Variants in SLC14A2 observed in about 807,000 individuals in gnomAD.
SLC14A2 encodes the protein urea transporter 2.
SLC14A2 carries 91 observed loss-of-function variants against 104.6 expected under a neutral mutation model. That is an observed-to-expected ratio of 0.87 (90% CI 0.73 to 1.04). The LOEUF (loss-of-function observed/expected upper bound fraction) is 1.04. Ranked by LOEUF, SLC14A2 falls within the 50% of genes least tolerant of loss-of-function variation. SLC14A2 has a pLI of 0.00. For missense variants in SLC14A2, 1,189 were observed against 1,156.0 expected (o/e 1.03, Z -0.41); for synonymous variants, 476 against 466.4 (o/e 1.02, Z -0.27).
intron 1 of SLC14A2, among the ~76,000 whole-genome samples, chr18:45,329,823 C>T (rs996085510): frequency 6.6e-6 from 1 of 151,406 alleles, no homozygotes; most frequent in Non-Finnish European, 1.5e-5. Context: ...CACAAAGAAA[C>T]AAACAAACAA....
chr18:45,296,739 C>T (rs1376330599), intron 1 of SLC14A2, among the ~76,000 whole-genome samples: 2 of 152,258 alleles, frequency 1.3e-5, no homozygotes, highest in East Asian at 1.9e-4. Context: ...AGGCTTGTTT[C>T]GGAAGAGCAG....
chr18:45,356,260 G>T (rs1277820110), intron 1 of SLC14A2, among the ~76,000 whole-genome samples: 1 of 152,160 alleles, frequency 6.6e-6, no homozygotes, highest in Non-Finnish European at 1.5e-5. Context: ...TGACACTGCT[G>T]GGTCTTAAAG....
the SLC14A2 span, among the ~76,000 whole-genome samples, chr18:45,187,862 A>T: frequency 4.6e-5 from 7 of 152,120 alleles, no homozygotes; most frequent in Admixed American, 1.3e-4. Flanking sequence ...GTATCTTTTG[A>T]GGTGAGATTG....
At chr18:45,247,031 A>G (rs1177812620) in intron 1 of SLC14A2, among the ~76,000 whole-genome samples, 1 of 152,158 alleles carries the variant, frequency 6.6e-6, no homozygotes, top group Non-Finnish European at 1.5e-5. Flanking sequence ...ACAGGAAAAC[A>G]CCCATGATAC....
rs181581232 is a variant in SLC14A2 at position 45,367,875 on chromosome 18, A to G, written c.-124-115358A>G. 3.3e-4 allele frequency among the ~76,000 whole-genome samples: 51 copies of G among 152,298 alleles called. 2 individuals are homozygous for G. In the East Asian group the frequency reaches 8.3e-3, roughly 25 times the overall value. On this transcript the variant is annotated intron_variant, in intron 1 of 20. Coordinates refer to the SLC14A2 transcript ENST00000586448. ...CTTGAGTTCAGGAATTGTAATCAGA[A>G]TAAAGTGGCAGCTCTTTATCTAGAG...
chr18:45,368,682 G>A (rs1407109375), intron 1 of SLC14A2, among the ~76,000 whole-genome samples: 1 of 152,172 alleles, frequency 6.6e-6, no homozygotes, highest in Admixed American at 6.5e-5. Flanking sequence ...GGCCATGCAG[G>A]CAAGGGAGAA....
intron 2 of SLC14A2, among the ~76,000 whole-genome samples, chr18:45,601,478 A>C (rs16978423): frequency 6.6e-6 from 1 of 152,216 alleles, no homozygotes; most frequent in Non-Finnish European, 1.5e-5. Flanking sequence ...CTATGGCCAC[A>C]TAGTAAGAAA....
At chr18:45,287,073 T>C (rs899040892) in intron 1 of SLC14A2, among the ~76,000 whole-genome samples, 1 of 152,146 alleles carries the variant, frequency 6.6e-6, no homozygotes, top group Non-Finnish European at 1.5e-5. Flanking sequence ...ATTGTCTCAT[T>C]TAAAACAAAC....
chr18:45,302,414 A>G (rs1453045523), intron 1 of SLC14A2, among the ~76,000 whole-genome samples: 4 of 152,212 alleles, frequency 2.6e-5, no homozygotes, highest in Non-Finnish European at 1.5e-5. Flanking sequence ...CATTCTGTAG[A>G]TGTGGTCACT....
chr18:45,299,908 C>T (rs2084951797), intron 1 of SLC14A2, among the ~76,000 whole-genome samples: 1 of 152,102 alleles, frequency 6.6e-6, no homozygotes, highest in Admixed American at 6.5e-5. Context: ...TGAGACTGTC[C>T]CCATTGGTGC....
intron 1 of SLC14A2, among the ~76,000 whole-genome samples, chr18:45,344,428 C>A: frequency 6.6e-6 from 1 of 152,318 alleles, no homozygotes; most frequent in East Asian, 1.9e-4. Flanking sequence ...CTTCCTATAA[C>A]ACCCTTAGTT....
intron 2 of SLC14A2, among the ~76,000 whole-genome samples, chr18:45,591,387 G>A (rs2144387981): frequency 6.6e-6 from 1 of 152,322 alleles, no homozygotes; most frequent in African/African-American, 2.4e-5. Context: ...CCAGGCTGGA[G>A]TGCAGTGGTG....
intron 10 of SLC14A2, among the ~76,000 whole-genome samples, chr18:45,659,299 G>A (rs2045894753): frequency 6.6e-6 from 1 of 152,226 alleles, no homozygotes. Flanking sequence ...TGTGTGCCAT[G>A]ATATTGGAGG....
intron 1 of SLC14A2, among the ~76,000 whole-genome samples, chr18:45,459,785 T>G (rs2087010523): frequency 6.6e-6 from 1 of 152,200 alleles, no homozygotes; most frequent in Admixed American, 6.5e-5. Flanking sequence ...ATCATGCCTT[T>G]GAGGGTAGCA....
At chr18:45,499,140 C>G (rs1208566412) in intron 2 of SLC14A2, among the ~76,000 whole-genome samples, 1 of 152,182 alleles carries the variant, frequency 6.6e-6, no homozygotes, top group African/African-American at 2.4e-5. Flanking sequence ...ACGAGAATCA[C>G]CAGACTCACT....
rs777983375 is a variant in SLC14A2 at position 45,639,772 on chromosome 18, C to A, written c.870C>A (p.Val290=). The A allele has an allele frequency of 6.2e-7, 1 of 1,613,890 alleles. No individual in the cohort carries two copies. The highest frequency in any genetic ancestry group is 8.5e-7 in the Non-Finnish European group (1 of 1,179,958). ...TGTTACAAGCCATCCCTGTTGGGGT[C>A]GGCCAGGTGTATGGCTGTGACAATC... is the stretch of plus-strand genomic sequence containing the variant. ...PLLLQAIPVG[V]GQVYGCDNPW... The change falls in exon 7 of 20, where the codon GTC becomes GTA. Residue 290 remains valine (V), a synonymous_variant. Transcript: ENST00000255226.
intron 2 of SLC14A2, among the ~76,000 whole-genome samples, chr18:45,585,196 T>G (rs2044549106): frequency 6.6e-6 from 1 of 152,150 alleles, no homozygotes; most frequent in Non-Finnish European, 1.5e-5. Context: ...TGCTGTTCAT[T>G]TGACCCTCAC....
chr18:45,519,122 TA>T (rs887283970), intron 2 of SLC14A2, among the ~76,000 whole-genome samples: 15 of 152,186 alleles, frequency 9.9e-5, no homozygotes, highest in African/African-American at 3.6e-4. Flanking sequence ...ATAATCATTT[TA>T]AAAAATCCTC....
At chr18:45,615,149 G>C (rs1238761565), upstream of SLC14A2, 1 of 152,220 alleles carries the variant, frequency 6.6e-6, no homozygotes, top group Non-Finnish European at 1.5e-5. Flanking sequence ...CCTTGCCTCA[G>C]ATGAAACTTT....
Sources: gnomAD v4.1 joint callset for allele counts (sites outside exome capture counted in the v4.1 genomes callset) on GRCh38, gnomAD v4.1.1 for gene constraint, MANE v1.5 for transcripts, NCBI Gene and HGNC (gene_info 2026-07-23, HGNC 2026-07-21) for gene names.